The following DIAPH2 variants were observed in gnomAD, a reference collection of about 807,000 sequenced individuals.
DIAPH2 encodes the protein protein diaphanous homolog 2.
A neutral mutation model predicts 92.7 loss-of-function variants in DIAPH2; 35 were observed. That is an observed-to-expected ratio of 0.38 (90% CI 0.29 to 0.50). DIAPH2 has a LOEUF of 0.50. Among genes scored for constraint, DIAPH2 ranks in the 20% least tolerant of loss-of-function variants. DIAPH2 has a pLI of 0.94. For missense variants in DIAPH2, 701 were observed against 819.5 expected (o/e 0.86, Z 1.77); for synonymous variants, 301 against 280.4 (o/e 1.07, Z -0.73).
At chrX:97,436,523 A>G (rs1345270119) in intron 26 of DIAPH2, among the ~76,000 whole-genome samples, 3 of 112,135 alleles carry the variant, frequency 2.7e-5, no homozygotes, top group African/African-American at 9.7e-5. Context: ...GAGAACAGAT[A>G]GGGGACAAGA....
intron 4 of DIAPH2, among the ~76,000 whole-genome samples, chrX:96,784,978 G>A (rs767117450): frequency 1.2e-4 from 13 of 112,096 alleles, no homozygotes; most frequent in South Asian, 3.8e-4. Flanking sequence ...GGTCTGAATC[G>A]TGGCAGGCTG....
chrX:96,993,794 A>G (rs1462008056), intron 17 of DIAPH2, among the ~76,000 whole-genome samples: 1 of 112,234 alleles, frequency 8.9e-6, no homozygotes, highest in Non-Finnish European at 1.9e-5. Flanking sequence ...ATAATTAAAG[A>G]TGAATTGAGA....
chrX:96,785,770 C>G (rs1303676113), intron 4 of DIAPH2, among the ~76,000 whole-genome samples: 2 of 110,522 alleles, frequency 1.8e-5, no homozygotes, highest in Non-Finnish European at 3.8e-5. Context: ...AGCCACCACT[C>G]CCGGCCCCGA....
At chrX:97,137,904 G>A (rs755759086) in intron 21 of DIAPH2, among the ~76,000 whole-genome samples, 19 of 112,061 alleles carry the variant, frequency 1.7e-4, no homozygotes, top group African/African-American at 3.2e-4. Flanking sequence ...ACATCTATGC[G>A]GTTAGGTTAA....
chrX:97,266,287 G>A (rs746839683), intron 23 of DIAPH2, among the ~76,000 whole-genome samples: 5 of 111,847 alleles, frequency 4.5e-5, no homozygotes, highest in South Asian at 3.8e-4. Context: ...AGAAAGCTTC[G>A]TCCACAACTT....
chrX:97,019,622 T>TA (rs928773374), intron 17 of DIAPH2, among the ~76,000 whole-genome samples: 13 of 111,148 alleles, frequency 1.2e-4, no homozygotes, highest in Middle Eastern at 9.4e-3. Flanking sequence ...GATGGAATTC[T>TA]AATATATATA....
At chrX:96,723,397 G>A (rs960614501) in intron 1 of DIAPH2, among the ~76,000 whole-genome samples, 1 of 111,632 alleles carries the variant, frequency 9.0e-6, no homozygotes, top group African/African-American at 3.3e-5. Flanking sequence ...TGAAATAAGT[G>A]GCTGTCTCTC....
chrX:97,088,900 C>T (rs2066803084), intron 19 of DIAPH2, among the ~76,000 whole-genome samples: 1 of 111,373 alleles, frequency 9.0e-6, no homozygotes, highest in African/African-American at 3.3e-5. Flanking sequence ...CGGGTTTCAT[C>T]TGCCTATTTT....
At chrX:97,229,809 TTG>T (rs2067994204) in intron 22 of DIAPH2, among the ~76,000 whole-genome samples, 2 of 87,492 alleles carry the variant, frequency 2.3e-5, no homozygotes, top group Non-Finnish European at 4.8e-5. Context: ...ATATAATATA[TTG>T]TTATTATATA....
intron 5 of DIAPH2, among the ~76,000 whole-genome samples, chrX:96,901,435 T>A (rs2065393479): frequency 9.2e-6 from 1 of 108,908 alleles, no homozygotes; most frequent in Non-Finnish European, 1.9e-5. Flanking sequence ...TCTTTTGTAT[T>A]TTTTTTTGTT....
intron 4 of DIAPH2, among the ~76,000 whole-genome samples, chrX:96,828,059 C>T (rs183960538): frequency 5.9e-4 from 66 of 111,951 alleles, no homozygotes; most frequent in African/African-American, 1.8e-3. Flanking sequence ...CGTGAGCCAC[C>T]GCGCCCAGCC....
At chrX:96,904,792 G>A (rs1205454132) in intron 5 of DIAPH2, among the ~76,000 whole-genome samples, 1 of 110,573 alleles carries the variant, frequency 9.0e-6, no homozygotes, top group African/African-American at 3.3e-5. Context: ...CAATATTGGT[G>A]TTTAAGTGAG....
chrX:97,034,087 AT>A (rs5903063), intron 17 of DIAPH2, among the ~76,000 whole-genome samples: 5 of 103,382 alleles, frequency 4.8e-5, no homozygotes, highest in Non-Finnish European at 9.9e-5. Context: ...TAGTGTGTGC[AT>A]TTTTTTTTTT....
At chrX:96,836,556 G>GC (rs1251586143) in intron 4 of DIAPH2, among the ~76,000 whole-genome samples, 1 of 104,617 alleles carries the variant, frequency 9.6e-6, no homozygotes, top group East Asian at 2.9e-4. Context: ...GGCTGACCTA[G>GC]CCCGATTCAT....
chrX:96,697,530 C>T (rs946363465), intron 1 of DIAPH2, among the ~76,000 whole-genome samples: 1 of 110,373 alleles, frequency 9.1e-6, no homozygotes, highest in African/African-American at 3.3e-5. Flanking sequence ...CCTGTAATCC[C>T]AGCTACCTGG....
chrX:96,984,475 G>T (rs909592838), intron 17 of DIAPH2, among the ~76,000 whole-genome samples: 1 of 110,873 alleles, frequency 9.0e-6, no homozygotes, highest in African/African-American at 3.3e-5. Context: ...ACGGTCAAAA[G>T]AATTACTAGG....
intron 10 of DIAPH2, among the ~76,000 whole-genome samples, chrX:96,936,862 A>G (rs1170995783): frequency 8.9e-6 from 1 of 112,104 alleles, no homozygotes; most frequent in Admixed American, 9.5e-5. Context: ...ATTTTTTGCC[A>G]GAGGCATATG....
At chrX:97,510,069 C>T (rs2070874534) in intron 26 of DIAPH2, among the ~76,000 whole-genome samples, 1 of 110,350 alleles carries the variant, frequency 9.1e-6, no homozygotes, top group South Asian at 3.9e-4. Flanking sequence ...TTCTAGATCC[C>T]TGAGGAATCG....
intron 26 of DIAPH2, 65 bp from the exon 27 acceptor site, chrX:97,599,188 C>G (rs2071575497): frequency 1.3e-6 from 1 of 799,757 alleles, no homozygotes; most frequent in African/African-American, 2.1e-5. Flanking sequence ...CTCAACCTAA[C>G]ATCATGTAAT....
Sources: allele counts gnomAD v4.1 joint callset (sites outside exome capture counted in the v4.1 genomes callset), GRCh38; gene constraint gnomAD v4.1.1; transcripts MANE v1.5; gene names NCBI Gene and HGNC (gene_info 2026-07-23, HGNC 2026-07-21).